Variants in WNT9B observed in about 807,000 individuals in gnomAD.
WNT9B encodes the protein Wnt family member 9B, also known as protein Wnt-9b.
In WNT9B, 12 loss-of-function variants were observed where a neutral mutation model predicts 30.2. The ratio of observed to expected loss-of-function variants is 0.40; its 90% CI spans 0.26 to 0.64. The LOEUF is 0.64. WNT9B is among the 30% of genes least tolerant of loss of function. WNT9B has a pLI of 0.42. For synonymous variants in WNT9B, 218 were observed against 216.9 expected (o/e 1.01, Z -0.05); for missense variants, 442 against 485.2 (o/e 0.91, Z 0.84).
At chr17:46,840,161 A>G (rs1172522922) in intron 1 of WNT9B, among the ~76,000 whole-genome samples, 1 of 147,530 alleles carries the variant, frequency 6.8e-6, no homozygotes, top group Non-Finnish European at 1.5e-5. Context: ...ATCTCGGCTC[A>G]CTGCAAGCTC....
At chr17:46,849,753 T>C (rs140998631), upstream of WNT9B, among the ~76,000 whole-genome samples, 156 of 152,204 alleles carry the variant, frequency 1.0e-3, 1 homozygote, top group East Asian at 0.027. Context: ...TCAACCCTCC[T>C]TGAGAACCAG....
chr17:46,872,383 G>T, intron 1 of WNT9B, 134 bp from the exon 2 acceptor site: 4 of 1,331,678 alleles, frequency 3.0e-6, no homozygotes, highest in Non-Finnish European at 3.9e-6. Context: ...GTAAAATGGG[G>T]ACGGGACCTC....
chr17:46,838,375 C>G (rs1360670541), intron 1 of WNT9B, among the ~76,000 whole-genome samples: 5 of 151,682 alleles, frequency 3.3e-5, no homozygotes, highest in African/African-American at 7.3e-5. Flanking sequence ...GCTTGTAATC[C>G]CAACTTTTTG....
chr17:46,877,768 G>C lies in WNT9B; in HGVS notation c.*1050G>C, dbSNP rs1471141882. 6.6e-6 allele frequency among the ~76,000 whole-genome samples: 1 copy of C among 152,170 alleles called. No homozygotes were observed. Among genetic ancestry groups the C allele is most frequent in the African/African-American group, 2.4e-5 (1 of 41,444 alleles). On this transcript the variant is annotated 3_prime_UTR_variant, in exon 4 of 4. Coordinates refer to ENST00000290015, the MANE Select transcript of WNT9B (RefSeq NM_003396.3). Reference sequence around the variant, plus strand: ...GAAGAACAGCTGGCTCACGAGCTATGACTTGAAGTTACATTTCTATTCTTG... The same window carrying C: ...GAAGAACAGCTGGCTCACGAGCTATCACTTGAAGTTACATTTCTATTCTTG...
rs564435829 is a variant in WNT9B at position 46,876,432 on chromosome 17, C to G, written c.788C>G (p.Ala263Gly). 4 of 1,613,742 alleles carry G rather than the reference C, an allele frequency of 2.5e-6. No individual in the cohort carries two copies. The South Asian group carries it at 4.4e-5, about 18-fold the overall frequency. Reference sequence around the variant, plus strand: ...GCCTTGGGCCGCCTAGAGCTGTGGGCCCCTGCCAGGCAGGGCAGCCTCACC... The same window carrying G: ...GCCTTGGGCCGCCTAGAGCTGTGGGGCCCTGCCAGGCAGGGCAGCCTCACC... ...NEALGRLELW[A>G]PARQGSLTKG... The change falls in exon 4 of 4, where the codon GCC (alanine) becomes GGC (glycine). Residue 263 changes from alanine to glycine, a missense_variant. Transcript: ENST00000290015.
chr17:46,842,688 A>G (rs995614607), intron 1 of WNT9B, among the ~76,000 whole-genome samples: 21 of 152,142 alleles, frequency 1.4e-4, no homozygotes, highest in Admixed American at 9.8e-4. Context: ...CTTTTATTCA[A>G]AGTCCTTTTG....
At chr17:46,869,923 C>T (rs145352857) in intron 1 of WNT9B, among the ~76,000 whole-genome samples, 269 of 151,912 alleles carry the variant, frequency 1.8e-3, no homozygotes, top group Middle Eastern at 6.8e-3. Flanking sequence ...TGCTTGAACC[C>T]GGGAAGTGGA....
exon 5 of WNT9B, chr17:46,886,547 A>T (rs550192994): frequency 6.6e-6 from 1 of 152,146 alleles, no homozygotes; most frequent in Non-Finnish European, 1.5e-5. Context: ...GCATCTGTCA[A>T]TGTAGGTGGC....
intron 1 of WNT9B, among the ~76,000 whole-genome samples, chr17:46,863,420 G>C (rs543717258): frequency 6.6e-6 from 1 of 152,214 alleles, no homozygotes; most frequent in African/African-American, 2.4e-5. Flanking sequence ...AAAAACCATG[G>C]CCTCTGCCAA....
chr17:46,866,041 A>C (rs1047031024), intron 1 of WNT9B, among the ~76,000 whole-genome samples: 2 of 152,230 alleles, frequency 1.3e-5, no homozygotes, highest in African/African-American at 4.8e-5. Flanking sequence ...TGGAAATAGT[A>C]GCTTCCGAAT....
intron 1 of WNT9B, among the ~76,000 whole-genome samples, chr17:46,865,074 G>A (rs985244301): frequency 1.3e-5 from 2 of 152,228 alleles, no homozygotes; most frequent in African/African-American, 4.8e-5. Context: ...ACCCTCCGCA[G>A]CCACTGTGAC....
At chr17:46,838,711 T>C (rs1238060110) in intron 1 of WNT9B, among the ~76,000 whole-genome samples, 1 of 152,130 alleles carries the variant, frequency 6.6e-6, no homozygotes, top group Non-Finnish European at 1.5e-5. Flanking sequence ...TAAAATGTCA[T>C]AGATAATTTG....
At chr17:46,882,702 G>A (rs149754244), downstream of WNT9B, among the ~76,000 whole-genome samples, 1,227 of 152,276 alleles carry the variant, frequency 8.1e-3, 12 homozygotes, top group Non-Finnish European at 0.013. Context: ...CTCACCTGGA[G>A]TTCCTTCTTG....
At chr17:46,836,754 C>T (rs2084637006) in intron 1 of WNT9B, among the ~76,000 whole-genome samples, 1 of 152,120 alleles carries the variant, frequency 6.6e-6, no homozygotes, top group Non-Finnish European at 1.5e-5. Context: ...GGGGTGATGT[C>T]TTGGTTGGAA....
chr17:46,859,339 G>T (rs550316194), intron 1 of WNT9B, among the ~76,000 whole-genome samples: 1 of 152,328 alleles, frequency 6.6e-6, no homozygotes, highest in African/African-American at 2.4e-5. Flanking sequence ...ACAGCATGGA[G>T]TAAGGGGCAA....
At chr17:46,848,191 G>A (rs1034693640), upstream of WNT9B, among the ~76,000 whole-genome samples, 3 of 152,204 alleles carry the variant, frequency 2.0e-5, no homozygotes, top group African/African-American at 7.2e-5. Context: ...AACAGTGGGG[G>A]TCTGTGTGTC....
intron 1 of WNT9B, among the ~76,000 whole-genome samples, chr17:46,863,123 G>GC (rs76154177): frequency 1 from 152,226 of 152,230 alleles, 76,111 homozygotes; most frequent in Middle Eastern, 1. Flanking sequence ...GGAGGGCGTG[G>GC]CACAGGCAGC....
chr17:46,884,118 A>T (rs550700781), downstream of WNT9B, among the ~76,000 whole-genome samples: 2 of 152,268 alleles, frequency 1.3e-5, no homozygotes, highest in East Asian at 3.9e-4. Flanking sequence ...CAGGGTGGCC[A>T]GAAGCCTGGA....
intron 1 of WNT9B, among the ~76,000 whole-genome samples, chr17:46,840,736 A>G: frequency 6.6e-6 from 1 of 152,080 alleles, no homozygotes; most frequent in Non-Finnish European, 1.5e-5. Context: ...TTTGATTTGC[A>G]TTTCTCTGAT....
Sources: allele counts gnomAD v4.1 joint callset (sites outside exome capture counted in the v4.1 genomes callset), GRCh38; gene constraint gnomAD v4.1.1; transcripts MANE v1.5; gene names NCBI Gene and HGNC (gene_info 2026-07-23, HGNC 2026-07-21).